The following EIF2AK2 variants were observed in gnomAD, a reference collection of about 807,000 sequenced individuals.
EIF2AK2 encodes interferon-induced, double-stranded RNA-activated protein kinase.
A neutral mutation model predicts 70.5 loss-of-function variants in EIF2AK2; 40 were observed. The observed-to-expected ratio is 0.57, with a 90% CI of 0.44 to 0.74. EIF2AK2 has a LOEUF of 0.74. EIF2AK2 is among the 30% of genes least tolerant of loss of function. The pLI is 0.00. For missense variants in EIF2AK2, 555 were observed against 644.3 expected (o/e 0.86, Z 1.50); for synonymous variants, 198 against 220.9 (o/e 0.90, Z 0.92).
rs368406501 is a variant in EIF2AK2 at position 37,120,170 on chromosome 2, T to C, written c.1068-31A>G. The C allele has an allele frequency of 3.2e-5, 40 of 1,265,314 alleles. No individual in the cohort carries two copies. In the African/African-American group the frequency reaches 5.6e-4, roughly 18 times the overall value. 78.4% of individuals were successfully genotyped at this position (1,265,314 alleles called of 1,614,324 possible). On this transcript the variant is annotated intron_variant, in intron 12 of 16. Transcript: ENST00000233057. ...TATAAAATTCACAGTATGTTAAAAG[T>C]AACAATAAATATAAATTTATAAAAA...
chr2:37,114,200 T>C (rs1266150546), intron 14 of EIF2AK2, among the ~76,000 whole-genome samples: 6 of 152,106 alleles, frequency 3.9e-5, no homozygotes, highest in Admixed American at 3.9e-4. Flanking sequence ...CTCAGGAGGC[T>C]GAGGTGGGAA....
intron 10 of EIF2AK2, among the ~76,000 whole-genome samples, chr2:37,133,138 T>TA (rs906177899): frequency 6.6e-6 from 1 of 152,128 alleles, no homozygotes; most frequent in African/African-American, 2.4e-5. Context: ...AATGGCATTC[T>TA]AAAAATCACC....
intron 10 of EIF2AK2, among the ~76,000 whole-genome samples, chr2:37,132,793 C>T (rs1347630761): frequency 6.6e-6 from 1 of 152,180 alleles, no homozygotes. Context: ...TCTTTTCCAA[C>T]CCATCAAGCC....
At chr2:37,142,668 G>C (rs1054262277) in intron 4 of EIF2AK2, among the ~76,000 whole-genome samples, 3 of 151,350 alleles carry the variant, frequency 2.0e-5, no homozygotes, top group Admixed American at 2.0e-4. Flanking sequence ...TGGTTAGAAG[G>C]GTATCTTTAA....
intron 10 of EIF2AK2, among the ~76,000 whole-genome samples, chr2:37,135,120 A>G (rs568772902): frequency 3.3e-4 from 51 of 152,346 alleles, no homozygotes; most frequent in African/African-American, 1.2e-3. Flanking sequence ...GATGGGGACT[A>G]GATCTAATAA....
intron 14 of EIF2AK2, among the ~76,000 whole-genome samples, chr2:37,111,878 A>AAAATAT (rs1553335064): frequency 4.3e-5 from 3 of 69,130 alleles, no homozygotes; most frequent in African/African-American, 1.9e-4. Context: ...AAAAAAAAAA[A>AAAATAT]ATATATATAT....
At chr2:37,122,709 C>T (rs1674598991) in intron 11 of EIF2AK2, 45 bp from the exon 12 acceptor site, 4 of 1,609,940 alleles carry the variant, frequency 2.5e-6, no homozygotes, top group Non-Finnish European at 3.4e-6. Context: ...GTGTACATCC[C>T]TCATAACAAC....
chr2:37,136,119 T>G (rs955409137), intron 9 of EIF2AK2, among the ~76,000 whole-genome samples: 1 of 152,204 alleles, frequency 6.6e-6, no homozygotes, highest in African/African-American at 2.4e-5. Context: ...TCCTAGCTGT[T>G]ATTCCTTACT....
chr2:37,131,713 G>A (rs1674945093), intron 10 of EIF2AK2, among the ~76,000 whole-genome samples: 1 of 151,848 alleles, frequency 6.6e-6, no homozygotes, highest in African/African-American at 2.4e-5. Flanking sequence ...TTTATAGATG[G>A]CAGCGCATCA....
At chr2:37,146,482 C>G (rs2148711141) in intron 4 of EIF2AK2, among the ~76,000 whole-genome samples, 1 of 152,320 alleles carries the variant, frequency 6.6e-6, no homozygotes, top group South Asian at 2.1e-4. Flanking sequence ...ATTATTCTCC[C>G]TACAATCACT....
rs183296652 is a variant in EIF2AK2, at chr2:37,137,546, C to T, written c.688-529G>A. 3.6e-3 allele frequency among the ~76,000 whole-genome samples: 545 copies of T among 152,310 alleles called. 4 individuals carry two copies. Among genetic ancestry groups the T allele is most frequent in the Middle Eastern group, 0.014 (4 of 294 alleles). On this transcript the variant is annotated intron_variant, in intron 8 of 16. Coordinates refer to ENST00000233057, the MANE Select transcript of EIF2AK2 (RefSeq NM_001135651.3). ...CTGGTCTCAAACTCCTGGGCTAAAG[C>T]GATCCTCCTACCTTGGCCTCTCAAG...
chr2:37,155,728 T>C (rs1675897903), intron 1 of EIF2AK2, among the ~76,000 whole-genome samples: 1 of 152,132 alleles, frequency 6.6e-6, no homozygotes, highest in African/African-American at 2.4e-5. Flanking sequence ...CCACTTCCTT[T>C]CCAGCAGACT....
At chr2:37,152,989 T>C (rs1310092581) in intron 1 of EIF2AK2, among the ~76,000 whole-genome samples, 1 of 152,122 alleles carries the variant, frequency 6.6e-6, no homozygotes, top group African/African-American at 2.4e-5. Flanking sequence ...CACCAAAATC[T>C]TTCTACTTCT....
intron 1 of EIF2AK2, among the ~76,000 whole-genome samples, chr2:37,150,010 A>T (rs1443565368): frequency 6.6e-6 from 1 of 152,158 alleles, no homozygotes; most frequent in African/African-American, 2.4e-5. Context: ...ATGGATTTGT[A>T]GAAGAAGTCA....
rs868634506 is a variant in EIF2AK2, at chr2:37,131,181, C to T, written c.785+4303G>A. Among the ~76,000 whole-genome samples the T allele has an allele frequency of 3.9e-5, 6 of 152,318 alleles. No individual in the cohort carries two copies. The South Asian group carries it at 1.2e-3, about 32-fold the overall frequency. ...ACTCCTACCCCAGACCTTTATCATG[C>T]TTTCTGTCACCTAAAATGTGCCTTA... On this transcript the variant is annotated intron_variant, in intron 10 of 16. Coordinates refer to ENST00000233057, the MANE Select transcript of EIF2AK2 (RefSeq NM_001135651.3).
intron 14 of EIF2AK2, among the ~76,000 whole-genome samples, chr2:37,113,940 C>A (rs1346448406): frequency 6.6e-6 from 1 of 152,162 alleles, no homozygotes; most frequent in Non-Finnish European, 1.5e-5. Context: ...TATTCAATCA[C>A]TTTACCTCAA....
chr2:37,107,643 C>A, intron 15 of EIF2AK2, 116 bp from the exon 16 acceptor site: 1 of 1,161,660 alleles, frequency 8.6e-7, no homozygotes, highest in South Asian at 1.5e-5. Flanking sequence ...TTGGGAAAGT[C>A]TCTTTAGCCA....
Position 37,100,904 on chromosome 2 carries a change from C to A in EIF2AK2, c.*6369G>T, listed in dbSNP as rs950330854. The A allele has an allele frequency of 6.6e-6, 1 of 152,196 alleles. No homozygotes were observed. The highest frequency in any genetic ancestry group is 1.5e-5 in the Non-Finnish European group (1 of 68,044). The allele number at this position is 152,196 out of a possible 1,614,324, so 9.4% of individuals were successfully genotyped here. A position where few individuals can be genotyped will look rare whatever the true frequency, so the allele number is the denominator to read the frequency against. ...CCATGTAACAGGTAAAAGTGTGAGA[C>A]AAAGTACCCCTCAAATACATGTGGC... On this transcript the variant is annotated 3_prime_UTR_variant, in exon 17 of 17. Transcript: ENST00000233057.
At chr2:37,150,200 C>A (rs1346961144) in intron 1 of EIF2AK2, among the ~76,000 whole-genome samples, 1 of 147,524 alleles carries the variant, frequency 6.8e-6, no homozygotes, top group Admixed American at 6.7e-5. Flanking sequence ...TACAGAAATA[C>A]TTCACAACAT....
Sources: allele counts gnomAD v4.1 joint callset (sites outside exome capture counted in the v4.1 genomes callset), GRCh38; gene constraint gnomAD v4.1.1; transcripts MANE v1.5; gene names NCBI Gene and HGNC (gene_info 2026-07-23, HGNC 2026-07-21).